Variants in STK3 observed in about 807,000 individuals in gnomAD.
The protein encoded by STK3 is serine/threonine-protein kinase 3.
Under a neutral mutation model 58.0 loss-of-function variants are expected in STK3, and 41 were observed. The observed-to-expected ratio is 0.71, with a 90% CI of 0.55 to 0.92. The LOEUF (loss-of-function observed/expected upper bound fraction) is 0.92. STK3 is among the 40% of genes least tolerant of loss of function. The pLI, the probability that STK3 is intolerant of heterozygous loss-of-function variation, is 0.00. For synonymous variants in STK3, 170 were observed against 191.0 expected, an observed-to-expected ratio of 0.89 and a Z score of 0.91; for missense variants, 479 against 602.7, an observed-to-expected ratio of 0.79 and a Z score of 2.15.
At chr8:98,543,102 T>C (rs529505139) in intron 9 of STK3, among the ~76,000 whole-genome samples, 11 of 152,288 alleles carry the variant, frequency 7.2e-5, no homozygotes, top group Middle Eastern at 6.8e-3. Flanking sequence ...CTGGGGTTGA[T>C]AGAGGAAGCA....
chr8:98,834,732 TA>T (rs1835685642), intron 3 of STK3, among the ~76,000 whole-genome samples: 1 of 152,216 alleles, frequency 6.6e-6, no homozygotes, highest in African/African-American at 2.4e-5. Flanking sequence ...CCTTATGACT[TA>T]ATCACCTCCA....
At chr8:98,446,075 C>T (rs529394792) in intron 1 of STK3, among the ~76,000 whole-genome samples, 7 of 152,210 alleles carry the variant, frequency 4.6e-5, no homozygotes, top group African/African-American at 9.7e-5. Flanking sequence ...TCTCAGACAC[C>T]GAAAGGTATG....
intron 9 of STK3, among the ~76,000 whole-genome samples, chr8:98,544,695 C>G (rs1301283748): frequency 1.4e-5 from 2 of 139,566 alleles, no homozygotes; most frequent in Non-Finnish European, 3.1e-5. Context: ...CACACACACA[C>G]AGCTTGACTC....
At chr8:98,912,696 G>A (rs1839195103) in intron 1 of STK3, among the ~76,000 whole-genome samples, 2 of 152,102 alleles carry the variant, frequency 1.3e-5, no homozygotes. Flanking sequence ...GAGGTAGCGG[G>A]GGTAAAGAGA....
intron 7 of STK3, among the ~76,000 whole-genome samples, chr8:98,590,551 G>T (rs1410703928): frequency 6.6e-6 from 1 of 152,166 alleles, no homozygotes; most frequent in Admixed American, 6.5e-5. Context: ...TCTTTCTCAA[G>T]GAGCAAAAAG....
upstream of STK3, among the ~76,000 whole-genome samples, chr8:98,827,840 A>T (rs141508536): frequency 1.6e-3 from 248 of 152,256 alleles, no homozygotes; most frequent in Non-Finnish European, 3.1e-3. Flanking sequence ...TTTATTAAAG[A>T]TCCACAGTCT....
At chr8:98,443,355 T>A (rs186184190) in intron 1 of STK3, among the ~76,000 whole-genome samples, 7 of 152,338 alleles carry the variant, frequency 4.6e-5, no homozygotes, top group Non-Finnish European at 7.3e-5. Flanking sequence ...ATAACAGGTA[T>A]GATTTTGTGA....
intron 3 of STK3, among the ~76,000 whole-genome samples, chr8:98,750,061 C>CA: frequency 6.6e-6 from 1 of 152,032 alleles, no homozygotes; most frequent in Admixed American, 6.6e-5. Context: ...TAACCTATCT[C>CA]AAAGAGGCAG....
chr8:98,361,629 T>TG, the STK3 span, among the ~76,000 whole-genome samples: 4 of 152,178 alleles, frequency 2.6e-5, no homozygotes, highest in Admixed American at 6.5e-5. Flanking sequence ...TGGGTTGCCT[T>TG]GAAGTCATGA....
intron 1 of STK3, among the ~76,000 whole-genome samples, chr8:98,816,647 C>A (rs1564028895): frequency 6.6e-6 from 1 of 152,128 alleles, no homozygotes. Context: ...GATTCTCCTG[C>A]CTCAGCCTCC....
intron 4 of STK3, among the ~76,000 whole-genome samples, chr8:98,721,481 C>A (rs547703328): frequency 1.3e-5 from 2 of 151,216 alleles, no homozygotes; most frequent in African/African-American, 2.4e-5. Flanking sequence ...CCAGGCTGGG[C>A]AACATAGTGA....
intron 3 of STK3, among the ~76,000 whole-genome samples, chr8:98,758,336 A>G (rs918268020): frequency 7.3e-4 from 111 of 152,348 alleles, no homozygotes; most frequent in African/African-American, 2.6e-3. Context: ...AATGTGGCAG[A>G]GACAAAATGA....
rs1052991203 is a variant in STK3 at position 98,714,736 on chromosome 8, C to T, written c.352-7425G>A. On this transcript the variant is annotated intron_variant, in intron 4 of 10. Transcript: ENST00000419617. ...GGTAATTTATAGATTCAATGCCATC[C>T]CCATCAAGCTACCAATGACTTTCTT... Among the ~76,000 whole-genome samples, 8 of 152,084 alleles carry T rather than the reference C, an allele frequency of 5.3e-5. No homozygotes were observed. In the South Asian group the frequency reaches 1.7e-3, roughly 32 times the overall value.
chr8:98,368,007 T>A (rs1172955999), downstream of STK3, among the ~76,000 whole-genome samples: 3 of 152,230 alleles, frequency 2.0e-5, no homozygotes, highest in Non-Finnish European at 4.4e-5. Context: ...CACTCACATC[T>A]GCGCTGTGTC....
At chr8:98,673,427 ACAC>A (rs1822972512) in intron 6 of STK3, among the ~76,000 whole-genome samples, 1 of 152,246 alleles carries the variant, frequency 6.6e-6, no homozygotes, top group African/African-American at 2.4e-5. Context: ...AATACTCAGA[ACAC>A]AACCATATAA....
intron 6 of STK3, among the ~76,000 whole-genome samples, chr8:98,705,867 A>C (rs1370715820): frequency 1.3e-5 from 2 of 152,206 alleles, no homozygotes; most frequent in Non-Finnish European, 2.9e-5. Context: ...AATATGCAAA[A>C]TATATATTTC....
chr8:98,538,130 T>TCAACATCAAAAAGATTTATGA (rs1395369717), intron 9 of STK3, among the ~76,000 whole-genome samples: 4 of 152,222 alleles, frequency 2.6e-5, no homozygotes, highest in African/African-American at 4.8e-5. Context: ...AAAGTATGTG[T>TCAACATCAAAAAGATTTATGA]CAACATCAAA....
At position 98,757,071 on chromosome 8, in the gene STK3, CT is replaced by C. The variant is rs1180407400; in HGVS notation, c.237-7682del. Among the ~76,000 whole-genome samples the C allele has an allele frequency of 2.0e-5, 3 of 152,048 alleles. No individual in the cohort carries two copies. In the East Asian group the frequency reaches 5.8e-4, roughly 29 times the overall value. ...ACTCTGGTACTTCCCCGTGGAGCCC[CT>C]GTGACACAGCACGCCTCCTTCTCTT... On this transcript the variant is annotated intron_variant, in intron 3 of 10. Coordinates refer to ENST00000419617, the MANE Select transcript of STK3 (RefSeq NM_006281.4).
At chr8:98,745,610 C>A (rs1829587660) in intron 4 of STK3, among the ~76,000 whole-genome samples, 1 of 151,888 alleles carries the variant, frequency 6.6e-6, no homozygotes, top group African/African-American at 2.4e-5. Context: ...ATAAGGGCTG[C>A]TTTTCCCCAA....
Sources: allele counts gnomAD v4.1 joint callset (sites outside exome capture counted in the v4.1 genomes callset), GRCh38; gene constraint gnomAD v4.1.1; transcripts MANE v1.5; gene names NCBI Gene and HGNC (gene_info 2026-07-23, HGNC 2026-07-21).